The following SF3B1 variants were observed in gnomAD, a reference collection of about 807,000 sequenced individuals.
The protein encoded by SF3B1 is splicing factor 3b subunit 1.
SF3B1 carries 12 observed loss-of-function variants against 153.8 expected under a neutral mutation model. The ratio of observed to expected loss-of-function variants is 0.08; its 90% CI spans 0.05 to 0.13. SF3B1 has a LOEUF of 0.13. SF3B1 is among the 10% of genes least tolerant of loss of function. SF3B1 has a pLI of 1.00. For missense variants in SF3B1, 513 were observed against 1,606.1 expected, an observed-to-expected ratio of 0.32 and a Z score of 11.63; for synonymous variants, 498 against 525.2, an observed-to-expected ratio of 0.95 and a Z score of 0.71.
In SF3B1 at chr2:197,409,832, T is replaced by C. The variant is rs1372545592; in HGVS notation, c.842A>G (p.His281Arg). 5 of 1,613,970 alleles carry C rather than the reference T, an allele frequency of 3.1e-6. No homozygotes were observed. Among genetic ancestry groups the C allele is most frequent in the Non-Finnish European group, 4.2e-6 (5 of 1,179,962 alleles). Reference protein sequence around the residue: ...GDTPGHATPGHGGATSSARKN... With the variant: ...GDTPGHATPGRGGATSSARKN... ...ACGAGCACTGGAAGTTGCGCCTCCA[T>C]GGCCTGGTGTCGCATGGCCTGGTGT... Residue 281 changes from histidine (H) to arginine (R), a missense_variant, in exon 7 of 25, where the codon CAT (histidine) becomes CGT (arginine). Around this residue, in one of 21 missense-constraint regions of SF3B1, gnomAD observed 91 missense variants for 157.4 expected, o/e 0.58. Transcript: ENST00000335508.
chr2:197,395,985 AC>A, intron 23 of SF3B1, 70 bp downstream of exon 23: 1 of 1,354,382 alleles, frequency 7.4e-7, no homozygotes, highest in Non-Finnish European at 1.0e-6. Context: ...TCATCTAATA[AC>A]TATTTCACGA....
chr2:197,408,623 T>C (rs77132083), intron 7 of SF3B1, 42 bp from the exon 8 acceptor site: 198,383 of 1,213,476 alleles, frequency 0.16, 17,751 homozygotes, highest in Middle Eastern at 0.23. Flanking sequence ...TTTTAATCAC[T>C]GTTAAAATAA....
intron 9 of SF3B1, among the ~76,000 whole-genome samples, chr2:197,407,578 C>T (rs1056170548): frequency 3.3e-5 from 5 of 150,412 alleles, no homozygotes; most frequent in Admixed American, 6.6e-5. Flanking sequence ...GCACTTCAGC[C>T]TGGGCAACAG....
chr2:197,427,931 T>C (rs528383552), intron 1 of SF3B1, among the ~76,000 whole-genome samples: 4 of 151,984 alleles, frequency 2.6e-5, no homozygotes, highest in African/African-American at 7.2e-5. Context: ...AGTCAGAGAA[T>C]TGCTTGAACC....
chr2:197,415,070 C>T (rs984906888), intron 6 of SF3B1, among the ~76,000 whole-genome samples: 4 of 150,954 alleles, frequency 2.6e-5, no homozygotes, highest in South Asian at 4.2e-4. Context: ...TAGCTGAATG[C>T]GGATGTGAAT....
chr2:197,401,862 A>G lies in SF3B1; in HGVS notation c.2250T>C (p.Ile750=), dbSNP rs780381273. 1.2e-6 allele frequency: 2 copies of G among 1,604,056 alleles called. No individual in the cohort carries two copies. The highest frequency in any genetic ancestry group is 2.7e-5 in the African/African-American group (2 of 74,300). Residue 750 remains isoleucine, a synonymous_variant, in exon 16 of 25, where the codon ATT becomes ATC. Transcript: ENST00000335508. This position sits in a 1 kb window ranked among gnomAD's most constrained non-coding sequence, Gnocchi z 4.2. ...GKGLAAFLKA[I]GYLIPLMDAE... ...CATCCATAAGAGGAATAAGATACCC[A>G]ATAGCCTTCAAGAAAGCAGCCAAAC...
intron 6 of SF3B1, among the ~76,000 whole-genome samples, chr2:197,416,402 C>A (rs1340086018): frequency 6.6e-6 from 1 of 152,088 alleles, no homozygotes; most frequent in Non-Finnish European, 1.5e-5. Context: ...TATTTGGAGA[C>A]TGGGCCTTTA....
Position 197,392,962 on chromosome 2 carries a change from T to G in SF3B1, c.3756+10A>C, listed in dbSNP as rs763844258. Reference sequence around the variant, plus strand: ...AAAATCACCGATTAAAAAAAAAATCTTTAACTTACCTGTAAACAATATTGC... The same window carrying G: ...AAAATCACCGATTAAAAAAAAAATCGTTAACTTACCTGTAAACAATATTGC... On this transcript the variant is annotated intron_variant, in intron 24 of 24. Transcript: ENST00000335508. 6.5e-7 allele frequency: 1 copy of G among 1,537,072 alleles called. No individual in the cohort carries two copies. Among genetic ancestry groups the G allele is most frequent in the African/African-American group, 1.4e-5 (1 of 71,870 alleles).
chr2:197,399,137 T>C, intron 20 of SF3B1: 1 of 1,228,426 alleles, frequency 8.1e-7, no homozygotes, highest in Non-Finnish European at 1.0e-6. Flanking sequence ...CATGCCTCTC[T>C]GACAAACAAT....
Position 197,401,542 on chromosome 2 carries a change from TAGTA to T in SF3B1, c.2371-21_2371-18del, listed in dbSNP as rs1398239332. The T allele has an allele frequency of 7.5e-6, 12 of 1,603,218 alleles. No homozygotes were observed. In the African/African-American group the frequency reaches 1.3e-4, roughly 18 times the overall value. ...TTTTACCACCTAAAAGGTTAAGAAA[TAGTA>T]ATAATAAATCAACTGACCTGAAATG... On this transcript the variant is annotated intron_variant, in intron 16 of 24. Coordinates refer to ENST00000335508, the MANE Select transcript of SF3B1 (RefSeq NM_012433.4). This position sits in a 1 kb window ranked among gnomAD's most constrained non-coding sequence, Gnocchi z 4.2.
chr2:197,401,719 A>G lies in SF3B1; in HGVS notation c.2370+23T>C, dbSNP rs751572466. ...GAACCATGAAACATATCCAGTTTAC[A>G]TTAACAAATCTGGAATAATTACCTT... On this transcript the variant is annotated intron_variant, in intron 16 of 24. Transcript: ENST00000335508. This position sits in a 1 kb window ranked among gnomAD's most constrained non-coding sequence, Gnocchi z 4.2. 3 of 1,597,928 alleles carry G rather than the reference A, an allele frequency of 1.9e-6. No individual in the cohort carries two copies. The highest frequency in any genetic ancestry group is 1.1e-5 in the South Asian group (1 of 88,106).
At chr2:197,407,127 G>A (rs2105992737) in intron 9 of SF3B1, among the ~76,000 whole-genome samples, 1 of 152,114 alleles carries the variant, frequency 6.6e-6, no homozygotes, top group Admixed American at 6.5e-5. Context: ...CTCATGAACT[G>A]TTAAAAATCA....
chr2:197,398,244 G>T (rs1355759156), intron 21 of SF3B1, 128 bp from the exon 22 acceptor site: 3 of 890,444 alleles, frequency 3.4e-6, no homozygotes, highest in Non-Finnish European at 5.3e-6. Flanking sequence ...CTACTCTTCA[G>T]AAAGGCTGAA....
intron 22 of SF3B1, among the ~76,000 whole-genome samples, chr2:197,397,040 G>A (rs2084882997): frequency 6.6e-6 from 1 of 152,088 alleles, no homozygotes; most frequent in Admixed American, 6.6e-5. Flanking sequence ...ATGGACATGT[G>A]GTGTCTCGTT....
At chr2:197,406,116 CA>C (rs1461560774) in intron 9 of SF3B1, among the ~76,000 whole-genome samples, 64 of 104,454 alleles carry the variant, frequency 6.1e-4, no homozygotes, top group African/African-American at 8.8e-4. Flanking sequence ...TAACAGACTT[CA>C]AAAAAAAAAA....
Position 197,390,939 on chromosome 2 carries a change from C to T in SF3B1, c.*1364G>A, listed in dbSNP as rs1212275658. The T allele has an allele frequency of 6.6e-6, 1 of 152,142 alleles. No individual in the cohort carries two copies. The allele number at this position is 152,142 out of a possible 1,614,324, so 9.4% of individuals were successfully genotyped here. A position where few individuals can be genotyped will look rare whatever the true frequency, so the allele number is the denominator to read the frequency against. Reference sequence around the variant, plus strand: ...TAACTAAGCTTCTGAAGCAGGAACTCCTAAAGTGTCAATAGGCAGTTTTAC... The same window carrying T: ...TAACTAAGCTTCTGAAGCAGGAACTTCTAAAGTGTCAATAGGCAGTTTTAC... On this transcript the variant is annotated 3_prime_UTR_variant, in exon 25 of 25. Transcript: ENST00000335508.
At position 197,401,055 on chromosome 2, in the gene SF3B1, A is replaced by C. The variant is rs567566294; in HGVS notation, c.2497-119T>G. The C allele has an allele frequency of 1.5e-6, 1 of 653,984 alleles. No homozygotes were observed. Among genetic ancestry groups the C allele is most frequent in the Non-Finnish European group, 2.6e-6 (1 of 383,930 alleles). 40.5% of individuals were successfully genotyped at this position (653,984 alleles called of 1,614,324 possible). A position where few individuals can be genotyped will look rare whatever the true frequency, so the allele number is the denominator to read the frequency against. On this transcript the variant is annotated intron_variant, in intron 17 of 24. Transcript: ENST00000335508. The surrounding 1 kb of genome is among the most constrained non-coding windows in gnomAD (Gnocchi z 4.2). ...TATTTAGCTAATAAACATGGTAAGA[A>C]TGATTCATTGCTACTTATTAAAGTT... is the stretch of plus-strand genomic sequence containing the variant.
intron 1 of SF3B1, among the ~76,000 whole-genome samples, chr2:197,427,758 C>T (rs1464170378): frequency 1.3e-5 from 2 of 152,144 alleles, no homozygotes; most frequent in African/African-American, 4.8e-5. Flanking sequence ...TGGTGGCTCA[C>T]GCCTGTAATC....
chr2:197,408,306 C>A, intron 8 of SF3B1, 63 bp downstream of exon 8: 1 of 1,515,098 alleles, frequency 6.6e-7, no homozygotes. Context: ...CAGAATACCA[C>A]AAAGGAAAAA....
Sources: gnomAD v4.1 joint callset for allele counts (sites outside exome capture counted in the v4.1 genomes callset) on GRCh38, gnomAD v4.1.1 for gene constraint, gnomAD v4.1.1 regional missense constraint, Gnocchi (gnomAD v3.1) non-coding constraint, MANE v1.5 for transcripts, NCBI Gene and HGNC (gene_info 2026-07-23, HGNC 2026-07-21) for gene names.